Variants in PCDHAC1 observed in about 807,000 individuals in gnomAD.
PCDHAC1 encodes the protein protocadherin alpha-C1.
A neutral mutation model predicts 60.0 loss-of-function variants in PCDHAC1; 42 were observed. That is an observed-to-expected ratio of 0.70 (90% CI 0.55 to 0.90). PCDHAC1 has a LOEUF of 0.90. Among genes scored for constraint, PCDHAC1 ranks in the 40% least tolerant of loss-of-function variants. The pLI is 0.00. For missense variants in PCDHAC1, 1,160 were observed against 1,222.3 expected, an observed-to-expected ratio of 0.95 and a Z score of 0.76; for synonymous variants, 468 against 499.3, an observed-to-expected ratio of 0.94 and a Z score of 0.84.
At chr5:140,932,471 A>G (rs1056932090) in intron 1 of PCDHAC1, among the ~76,000 whole-genome samples, 11 of 152,050 alleles carry the variant, frequency 7.2e-5, no homozygotes, top group African/African-American at 1.7e-4. Flanking sequence ...TATAGGAAAT[A>G]GGATATCTCC....
intron 2 of PCDHAC1, among the ~76,000 whole-genome samples, chr5:140,981,563 G>A (rs2096938689): frequency 6.6e-6 from 1 of 152,110 alleles, no homozygotes; most frequent in African/African-American, 2.4e-5. Flanking sequence ...GACAGAGTGA[G>A]GCTTTGTCTC....
intron 3 of PCDHAC1, among the ~76,000 whole-genome samples, chr5:140,997,400 G>A (rs1554255862): frequency 3.3e-5 from 5 of 152,056 alleles, no homozygotes; most frequent in Admixed American, 1.3e-4. Context: ...AGGCTCTATC[G>A]TATGGCCTAT....
At position 140,928,836 on chromosome 5, in the gene PCDHAC1, C is replaced by G; in HGVS notation, c.1944C>G (p.Ser648=). ...VRDHGDPPLS[S]SVTLGVLLSN... ...ACCATGGAGACCCACCACTTTCCTC[C>G]TCTGTCACTCTGGGTGTGCTGTTGA... Residue 648 remains serine, a synonymous_variant, in exon 1 of 4, where the codon TCC becomes TCG. Transcript: ENST00000253807. The G allele has an allele frequency of 1.2e-6, 2 of 1,614,168 alleles. No homozygotes were observed. Among genetic ancestry groups the G allele is most frequent in the South Asian group, 2.2e-5 (2 of 91,090 alleles).
intron 1 of PCDHAC1, chr5:140,967,407 G>A: frequency 6.2e-7 from 1 of 1,613,098 alleles, no homozygotes; most frequent in South Asian, 1.1e-5. Context: ...CTGCGTAAGG[G>A]CCTAGACCGG....
chr5:140,944,689 A>T (rs1360975363), intron 1 of PCDHAC1, among the ~76,000 whole-genome samples: 1 of 152,226 alleles, frequency 6.6e-6, no homozygotes, highest in Non-Finnish European at 1.5e-5. Context: ...TCCTATTAAT[A>T]ACAGTAATTA....
At position 140,928,216 on chromosome 5, in the gene PCDHAC1, A is replaced by T; in HGVS notation, c.1324A>T (p.Thr442Ser). ...GTCAGTTGCTGATGTGAATGACAATACACCAAACTTTCCTCAACCCCAGCA... is the reference window on the plus strand; with the variant it reads ...GTCAGTTGCTGATGTGAATGACAATTCACCAAACTTTCCTCAACCCCAGCA... ...TVSVADVNDN[T>S]PNFPQPQQEL... is the part of the protein sequence containing the mutation. The change falls in exon 1 of 4, where the codon ACA (threonine) becomes TCA (serine). Residue 442 changes from threonine to serine, a missense_variant. Transcript: ENST00000253807. 1 of 1,614,188 alleles carries T rather than the reference A, an allele frequency of 6.2e-7. No individual in the cohort carries two copies. Among genetic ancestry groups the T allele is most frequent in the Non-Finnish European group, 8.5e-7 (1 of 1,180,044 alleles).
chr5:140,972,773 T>C (rs201511055), intron 1 of PCDHAC1, among the ~76,000 whole-genome samples: 2 of 151,600 alleles, frequency 1.3e-5, no homozygotes, highest in African/African-American at 2.4e-5. Context: ...AAGTGATTCT[T>C]CTGCCTCAGC....
intron 3 of PCDHAC1, among the ~76,000 whole-genome samples, chr5:140,995,275 A>G (rs1383239362): frequency 6.6e-6 from 1 of 152,146 alleles, no homozygotes; most frequent in African/African-American, 2.4e-5. Context: ...GCCCTTTGAT[A>G]CCAAAACAGC....
chr5:140,968,206 G>A lies in PCDHAC1; in HGVS notation c.2434-10743G>A, dbSNP rs782751494. Reference sequence around the variant, plus strand: ...ACTCCTATTCCATCTACATACAGGAGAACAATTTGCCAGGTGTGTTGCTCT... The same window carrying A: ...ACTCCTATTCCATCTACATACAGGAAAACAATTTGCCAGGTGTGTTGCTCT... On this transcript the variant is annotated intron_variant, in intron 1 of 3. Coordinates refer to ENST00000253807, the MANE Select transcript of PCDHAC1 (RefSeq NM_018898.5). 170 of 1,613,876 alleles carry A rather than the reference G, an allele frequency of 1.1e-4. 1 individual carries two copies. Among genetic ancestry groups the A allele is most frequent in the Non-Finnish European group, 1.4e-4 (163 of 1,180,042 alleles).
At position 140,928,594 on chromosome 5, in the gene PCDHAC1, GAA is replaced by G; in HGVS notation, c.1704_1705del (p.Glu568AspfsTer21). 1.2e-6 allele frequency: 2 copies of G among 1,614,204 alleles called. No homozygotes were observed. The highest frequency in any genetic ancestry group is 1.7e-6 in the Non-Finnish European group (2 of 1,180,032). ...GCCCAGAAATGGTTCTGTCCCAGTG[GAA>G]ATTGTGCCCCGCTCTGCCAGGACTG... is the stretch of plus-strand genomic sequence containing the variant. ...PLPRNGSVPV[E>X]IVPRSARTGH... On this transcript the variant is annotated frameshift_variant, in exon 1 of 4. Coordinates refer to ENST00000253807, the MANE Select transcript of PCDHAC1 (RefSeq NM_018898.5). LOFTEE classifies it high-confidence loss of function.
chr5:140,989,403 G>A (rs1327699534), intron 3 of PCDHAC1, among the ~76,000 whole-genome samples: 4 of 152,182 alleles, frequency 2.6e-5, no homozygotes, highest in African/African-American at 9.7e-5. Context: ...GGAGGGTGGA[G>A]AGTCTGCACT....
In PCDHAC1 at chr5:141,000,418, TATA is replaced by T. The variant is rs1442097844; in HGVS notation, c.2582-9208_2582-9206del. 6.0e-3 allele frequency among the ~76,000 whole-genome samples: 500 copies of T among 83,616 alleles called. 3 individuals are homozygous for T. The highest frequency in any genetic ancestry group is 7.2e-3 in the African/African-American group (142 of 19,618). 54.9% of individuals were successfully genotyped at this position (83,616 alleles called of 152,430 possible). A position where few individuals can be genotyped will look rare whatever the true frequency, so the allele number is the denominator to read the frequency against. ...CTCTATATATATATATATATATATA[TATA>T]TTTTTTTTTTTTTTTTTTTTTTTGA... On this transcript the variant is annotated intron_variant, in intron 3 of 3. Coordinates refer to ENST00000253807, the MANE Select transcript of PCDHAC1 (RefSeq NM_018898.5).
intron 1 of PCDHAC1, among the ~76,000 whole-genome samples, chr5:140,964,454 T>G (rs1392277569): frequency 6.6e-6 from 1 of 152,132 alleles, no homozygotes. Flanking sequence ...CTGTAATCTC[T>G]TCCTTAAGTG....
At chr5:140,960,279 T>A (rs1220391317) in intron 1 of PCDHAC1, among the ~76,000 whole-genome samples, 1 of 152,216 alleles carries the variant, frequency 6.6e-6, no homozygotes, top group African/African-American at 2.4e-5. Flanking sequence ...GTCACCTTTT[T>A]GGGACCCAGT....
intron 1 of PCDHAC1, among the ~76,000 whole-genome samples, chr5:140,963,203 AAAAC>A (rs1457721166): frequency 6.6e-6 from 1 of 152,100 alleles, no homozygotes; most frequent in African/African-American, 2.4e-5. Context: ...AATGAAAAAA[AAAAC>A]CTCGTGTTTA....
chr5:140,969,203 G>A (rs781962982), intron 1 of PCDHAC1: 2 of 1,614,178 alleles, frequency 1.2e-6, no homozygotes, highest in Non-Finnish European at 8.5e-7. Flanking sequence ...CAATACAGGG[G>A]CCCAGACAGG....
At position 140,926,602 on chromosome 5, in the gene PCDHAC1, C is replaced by T. The variant is rs1326525373; in HGVS notation, c.-291C>T. 9 of 324,032 alleles carry T rather than the reference C, an allele frequency of 2.8e-5. No homozygotes were observed. The East Asian group carries it at 4.7e-4, about 17-fold the overall frequency. The allele number at this position is 324,032 out of a possible 1,614,324, so 20.1% of individuals were successfully genotyped here. On this transcript the variant is annotated 5_prime_UTR_variant, in exon 1 of 4. Coordinates refer to ENST00000253807, the MANE Select transcript of PCDHAC1 (RefSeq NM_018898.5). ...CCTCTCGCGCCCGGGCGGGCGGCCT[C>T]GTCTCTGCACCCCTAGGCGGCGCTG...
intron 3 of PCDHAC1, among the ~76,000 whole-genome samples, chr5:140,984,425 A>G (rs1488284803): frequency 6.6e-6 from 1 of 152,174 alleles, no homozygotes; most frequent in Non-Finnish European, 1.5e-5. Context: ...GAGATAGAGA[A>G]GGGGATCTCC....
chr5:140,999,628 G>C (rs1169273057), intron 3 of PCDHAC1, among the ~76,000 whole-genome samples: 2 of 152,182 alleles, frequency 1.3e-5, no homozygotes, highest in Admixed American at 1.3e-4. Context: ...AGGAAACAAG[G>C]TAGAGAAAAC....
Sources: gnomAD v4.1 joint callset for allele counts (sites outside exome capture counted in the v4.1 genomes callset) on GRCh38, gnomAD v4.1.1 for gene constraint, MANE v1.5 for transcripts, NCBI Gene and HGNC (gene_info 2026-07-23, HGNC 2026-07-21) for gene names.